Variants in ZC3H12C observed in about 807,000 individuals in gnomAD.
The protein encoded by ZC3H12C is zinc finger CCCH-type containing 12C, also known as probable ribonuclease ZC3H12C.
A neutral mutation model predicts 76.3 loss-of-function variants in ZC3H12C; 20 were observed. The observed-to-expected ratio is 0.26, with a 90% confidence interval of 0.18 to 0.38. ZC3H12C has a LOEUF of 0.38. Among genes scored for constraint, ZC3H12C ranks in the 10% least tolerant of loss-of-function variants. The pLI, the probability that ZC3H12C is intolerant of heterozygous loss-of-function variation, is 1.00. For missense variants in ZC3H12C, 874 were observed against 1,086.5 expected, an observed-to-expected ratio of 0.80 and a Z score of 2.75; for synonymous variants, 352 against 399.6, an observed-to-expected ratio of 0.88 and a Z score of 1.42.
intron 1 of ZC3H12C, among the ~76,000 whole-genome samples, chr11:110,120,442 A>C (rs192189888): frequency 1.3e-5 from 2 of 152,258 alleles, no homozygotes; most frequent in Non-Finnish European, 2.9e-5. Flanking sequence ...GGGCCATTTT[A>C]AGCAGCAAAT....
Position 110,169,511 on chromosome 11 carries a change from G to A in ZC3H12C, c.*3774G>A, listed in dbSNP as rs1016070498. ...ATAAAATAAGACATACAGTTTTCTG[G>A]CCATTCTGTTGGTGTGTGGTGCACC... is the stretch of plus-strand genomic sequence containing the variant. On this transcript the variant is annotated 3_prime_UTR_variant, in exon 6 of 6. Transcript: ENST00000278590. 1 of 151,984 alleles carries A rather than the reference G, an allele frequency of 6.6e-6. No individual in the cohort carries two copies. Among genetic ancestry groups the A allele is most frequent in the African/African-American group, 2.4e-5 (1 of 41,376 alleles). The allele number at this position is 151,984 out of a possible 1,614,324, so 9.4% of individuals were successfully genotyped here. A position where few individuals can be genotyped will look rare whatever the true frequency, so the allele number is the denominator to read the frequency against.
At chr11:110,163,400 T>G in intron 5 of ZC3H12C, 21 bp downstream of exon 5, 1 of 1,583,986 alleles carries the variant, frequency 6.3e-7, no homozygotes, top group Non-Finnish European at 8.6e-7. Context: ...TTGTGAATAT[T>G]GGGTATATGC....
chr11:110,158,522 A>AAGCC (rs1382055459), intron 3 of ZC3H12C, among the ~76,000 whole-genome samples: 1 of 151,870 alleles, frequency 6.6e-6, no homozygotes, highest in Admixed American at 6.6e-5. Context: ...AAAAAAAAAA[A>AAGCC]ATCCAACCAC....
intron 1 of ZC3H12C, among the ~76,000 whole-genome samples, chr11:110,096,659 GT>G (rs1861118367): frequency 6.6e-6 from 1 of 152,190 alleles, no homozygotes; most frequent in African/African-American, 2.4e-5. Context: ...TCTGTTTTTA[GT>G]TTGTTCTCTA....
At position 110,164,250 on chromosome 11, in the gene ZC3H12C, G is replaced by C. The variant is rs1485951606; in HGVS notation, c.1256-91G>C. 5 of 1,174,766 alleles carry C rather than the reference G, an allele frequency of 4.3e-6. No individual in the cohort carries two copies. In the Admixed American group the frequency reaches 1.1e-4, roughly 26 times the overall value. 72.8% of individuals were successfully genotyped at this position (1,174,766 alleles called of 1,614,324 possible). A position where few individuals can be genotyped will look rare whatever the true frequency, so the allele number is the denominator to read the frequency against. ...TAGCACAGCTCCCATTTCTATCGTT[G>C]TCTCTTCTACAAGTTAAAATCATAG... On this transcript the variant is annotated intron_variant, in intron 5 of 5. Coordinates refer to ENST00000278590, the MANE Select transcript of ZC3H12C (RefSeq NM_033390.2). The surrounding 1 kb of genome is among the most constrained non-coding windows in gnomAD (Gnocchi z 5.7).
chr11:110,143,512 TATAA>T (rs1380627414), intron 2 of ZC3H12C, among the ~76,000 whole-genome samples: 2 of 151,062 alleles, frequency 1.3e-5, no homozygotes, highest in African/African-American at 4.8e-5. Context: ...TTTAATGTTC[TATAA>T]ATATTTATTA....
intron 1 of ZC3H12C, among the ~76,000 whole-genome samples, chr11:110,134,409 G>A (rs1252336475): frequency 2.0e-5 from 3 of 152,074 alleles, no homozygotes; most frequent in Non-Finnish European, 4.4e-5. Flanking sequence ...CTTCCAATAG[G>A]TTTTCCTCGT....
intron 5 of ZC3H12C, among the ~76,000 whole-genome samples, chr11:110,163,914 A>G (rs1249574894): frequency 6.6e-6 from 1 of 152,100 alleles, no homozygotes; most frequent in Admixed American, 6.6e-5. Flanking sequence ...CCTGGCTAAC[A>G]TGGAGAAACC....
intron 1 of ZC3H12C, among the ~76,000 whole-genome samples, chr11:110,115,078 G>A (rs549547366): frequency 5.8e-4 from 88 of 151,742 alleles, no homozygotes; most frequent in Non-Finnish European, 1.1e-3. Flanking sequence ...TGAAATGAAG[G>A]TTTCACTTCT....
At chr11:110,160,899 C>T (rs1862467577) in intron 4 of ZC3H12C, among the ~76,000 whole-genome samples, 1 of 152,000 alleles carries the variant, frequency 6.6e-6, no homozygotes, top group South Asian at 2.1e-4. Flanking sequence ...TGCAGTGGTG[C>T]CACCTCAGCT....
chr11:110,149,925 G>T (rs1469586232), intron 2 of ZC3H12C, among the ~76,000 whole-genome samples: 1 of 152,010 alleles, frequency 6.6e-6, no homozygotes, highest in Non-Finnish European at 1.5e-5. Context: ...TCTTGTTTAA[G>T]AAGTGTTTTC....
chr11:110,147,693 T>C (rs1862196203), intron 2 of ZC3H12C, among the ~76,000 whole-genome samples: 1 of 152,148 alleles, frequency 6.6e-6, no homozygotes, highest in Non-Finnish European at 1.5e-5. Context: ...CATTTTGCTG[T>C]TTGGTATCCT....
In ZC3H12C at chr11:110,101,514, C is replaced by T. The variant is rs75265224; in HGVS notation, c.21+8082C>T. Among the ~76,000 whole-genome samples the T allele has an allele frequency of 1.8e-3, 269 of 150,498 alleles. 6 individuals are homozygous for T. In the East Asian group the frequency reaches 0.022, roughly 12 times the overall value. On this transcript the variant is annotated intron_variant, in intron 1 of 5. Coordinates refer to ENST00000278590, the MANE Select transcript of ZC3H12C (RefSeq NM_033390.2). ...TGAGTTCAGTGTTCGTCTACCATTT[C>T]GAAAAATCGTAAGGCCCTTGGGAAT...
chr11:110,099,450 T>C (rs1430691165), intron 1 of ZC3H12C, among the ~76,000 whole-genome samples: 1 of 152,206 alleles, frequency 6.6e-6, no homozygotes, highest in African/African-American at 2.4e-5. Flanking sequence ...CTGACTTTTC[T>C]ACTTATATTT....
Position 110,170,736 on chromosome 11 carries a change from A to C in ZC3H12C, c.*4999A>C, listed in dbSNP as rs1174864703. ...CACAGTGCTTTATACCGGGTGTTGC[A>C]TCAGTAATCATTTTCATAAGAACAT... is the stretch of plus-strand genomic sequence containing the variant. On this transcript the variant is annotated 3_prime_UTR_variant, in exon 6 of 6. Coordinates refer to ENST00000278590, the MANE Select transcript of ZC3H12C (RefSeq NM_033390.2). 1 of 152,232 alleles carries C rather than the reference A, an allele frequency of 6.6e-6. No homozygotes were observed. The highest frequency in any genetic ancestry group is 2.4e-5 in the African/African-American group (1 of 41,460). 9.4% of individuals were successfully genotyped at this position (152,232 alleles called of 1,614,324 possible). A position where few individuals can be genotyped will look rare whatever the true frequency, so the allele number is the denominator to read the frequency against.
intron 1 of ZC3H12C, among the ~76,000 whole-genome samples, chr11:110,122,931 G>T (rs1412903574): frequency 1.3e-5 from 2 of 152,156 alleles, no homozygotes; most frequent in Non-Finnish European, 1.5e-5. Flanking sequence ...GGCAGGTGGG[G>T]TCTATAGTGT....
At chr11:110,118,128 CA>C (rs1861593642) in intron 1 of ZC3H12C, among the ~76,000 whole-genome samples, 1 of 147,654 alleles carries the variant, frequency 6.8e-6, no homozygotes, top group South Asian at 2.1e-4. Flanking sequence ...TTTATACACA[CA>C]TATATATATA....
intron 2 of ZC3H12C, among the ~76,000 whole-genome samples, chr11:110,140,338 T>A (rs1189566272): frequency 6.6e-6 from 1 of 152,228 alleles, no homozygotes; most frequent in African/African-American, 2.4e-5. Flanking sequence ...GGGAATGTGA[T>A]AAATTGATGT....
At chr11:110,143,628 A>T (rs953943442) in intron 2 of ZC3H12C, among the ~76,000 whole-genome samples, 2 of 152,052 alleles carry the variant, frequency 1.3e-5, no homozygotes, top group African/African-American at 4.8e-5. Flanking sequence ...TTCAAGTATG[A>T]TTTTCTAGTT....
Sources: allele counts gnomAD v4.1 joint callset (sites outside exome capture counted in the v4.1 genomes callset), GRCh38; gene constraint gnomAD v4.1.1; non-coding constraint Gnocchi (gnomAD v3.1); transcripts MANE v1.5; gene names NCBI Gene and HGNC (gene_info 2026-07-23, HGNC 2026-07-21).